CDH10: variants seen among roughly 807,000 people sequenced by gnomAD.
CDH10 encodes the protein cadherin-10.
A neutral mutation model predicts 73.1 loss-of-function variants in CDH10; 30 were observed. That is an observed-to-expected ratio of 0.41 (90% CI 0.31 to 0.56). The LOEUF (loss-of-function observed/expected upper bound fraction) is 0.56. CDH10 is among the 20% of genes least tolerant of loss of function. The pLI, the probability that CDH10 is intolerant of heterozygous loss-of-function variation, is 0.27. For synonymous variants in CDH10, 345 were observed against 348.2 expected (o/e 0.99, Z 0.10); for missense variants, 815 against 973.7 (o/e 0.84, Z 2.17).
At chr5:24,555,734 T>C (rs1233427234) in intron 2 of CDH10, among the ~76,000 whole-genome samples, 1 of 152,186 alleles carries the variant, frequency 6.6e-6, no homozygotes, top group African/African-American at 2.4e-5. Context: ...GCTATTTTAT[T>C]ATTCTGAAAT....
Position 24,550,605 on chromosome 5 carries a change from T to G in CDH10, c.232-12931A>C, listed in dbSNP as rs115695227. ...TTCTTAGATCTTTATACAACCTCCATCCTGAGGCTGGTGTGCATCTTTTTC... is the reference window on the plus strand; with the variant it reads ...TTCTTAGATCTTTATACAACCTCCAGCCTGAGGCTGGTGTGCATCTTTTTC... On this transcript the variant is annotated intron_variant, in intron 2 of 11. Transcript: ENST00000264463. 7.2e-3 allele frequency among the ~76,000 whole-genome samples: 1,103 copies of G among 152,284 alleles called. 14 individuals carry two copies. Among genetic ancestry groups the G allele is most frequent in the African/African-American group, 0.026 (1,063 of 41,564 alleles).
intron 1 of CDH10, among the ~76,000 whole-genome samples, chr5:24,593,929 G>A (rs1746286388): frequency 6.6e-6 from 1 of 151,606 alleles, no homozygotes; most frequent in Non-Finnish European, 1.5e-5. Context: ...AGTTCATTCT[G>A]CATGTCAATT....
At position 24,487,430 on chromosome 5, in the gene CDH10, C is replaced by CTACTAAGATGGACACTA; in HGVS notation, c.*232_*233insTAGTGTCCATCTTAGTA. 1.8e-5 allele frequency: 8 copies of CTACTAAGATGGACACTA among 440,712 alleles called. No individual in the cohort carries two copies. In the South Asian group the frequency reaches 3.0e-4, roughly 16 times the overall value. The allele number at this position is 440,712 out of a possible 1,614,324, so 27.3% of individuals were successfully genotyped here. ...ATCTTTTATTTACTAAGATGGACAA[C>CTACTAAGATGGACACTA]ACTGTATTTCCATAGCTTTGGCTCT... On this transcript the variant is annotated 3_prime_UTR_variant, in exon 12 of 12. Coordinates refer to ENST00000264463, the MANE Select transcript of CDH10 (RefSeq NM_006727.5).
At chr5:24,613,323 G>A (rs1056601082) in intron 1 of CDH10, 2 of 151,990 alleles carry the variant, frequency 1.3e-5, no homozygotes, top group Non-Finnish European at 2.9e-5. Context: ...ATATATCTAT[G>A]AGCAAGAATA....
chr5:24,581,890 A>G (rs1028186315), intron 2 of CDH10, among the ~76,000 whole-genome samples: 6 of 152,184 alleles, frequency 3.9e-5, no homozygotes, highest in African/African-American at 7.2e-5. Context: ...ACTTAATTAC[A>G]AAGATGGAAG....
At chr5:24,525,947 A>G (rs907316273) in intron 5 of CDH10, among the ~76,000 whole-genome samples, 1 of 152,102 alleles carries the variant, frequency 6.6e-6, no homozygotes. Context: ...ATAATACACA[A>G]TGGCAATGTG....
chr5:24,621,079 AG>A (rs1051415368), intron 1 of CDH10, among the ~76,000 whole-genome samples: 3 of 152,190 alleles, frequency 2.0e-5, no homozygotes, highest in African/African-American at 7.2e-5. Context: ...AGTTTAATTC[AG>A]GAGGGAGCCT....
intron 2 of CDH10, among the ~76,000 whole-genome samples, chr5:24,564,731 G>C (rs952351683): frequency 2.6e-5 from 4 of 152,148 alleles, no homozygotes; most frequent in Admixed American, 6.5e-5. Context: ...TTCTATGAGA[G>C]AAAGAATACT....
intron 10 of CDH10, among the ~76,000 whole-genome samples, chr5:24,492,226 A>G (rs988563794): frequency 3.3e-5 from 5 of 152,244 alleles, no homozygotes; most frequent in Non-Finnish European, 7.3e-5. Context: ...GCTTACACAC[A>G]TACAGAACAC....
chr5:24,505,251 G>T lies in CDH10; in HGVS notation c.1257-3C>A. 6.2e-7 allele frequency: 1 copy of T among 1,611,684 alleles called. No individual in the cohort carries two copies. Among genetic ancestry groups the T allele is most frequent in the South Asian group, 1.1e-5 (1 of 90,900 alleles). ...CAGTATGGCGATCCAAGGAAAATCT[G>T]AACATGGAGGGCAAGAAAAAATACA... On this transcript the variant is annotated splice_region_variant and splice_polypyrimidine_tract_variant and intron_variant, in intron 7 of 11. Transcript: ENST00000264463.
At chr5:24,493,943 C>T (rs1742164028) in intron 9 of CDH10, among the ~76,000 whole-genome samples, 1 of 151,808 alleles carries the variant, frequency 6.6e-6, no homozygotes, top group Admixed American at 6.6e-5. Flanking sequence ...GAAATTATTA[C>T]AACTATCTGT....
chr5:24,488,926 A>G (rs959046916), intron 11 of CDH10, among the ~76,000 whole-genome samples: 5 of 152,148 alleles, frequency 3.3e-5, no homozygotes, highest in South Asian at 4.2e-4. Context: ...ACTGCTCAAA[A>G]AGAACATTTT....
intron 5 of CDH10, among the ~76,000 whole-genome samples, chr5:24,528,815 C>G (rs115037145): frequency 5.9e-4 from 90 of 152,082 alleles, no homozygotes; most frequent in African/African-American, 2.1e-3. Flanking sequence ...GTGCCAATAT[C>G]TTTCTAGGTG....
intron 2 of CDH10, among the ~76,000 whole-genome samples, chr5:24,588,324 G>A (rs80216108): frequency 0.011 from 1,684 of 152,176 alleles, 26 homozygotes; most frequent in African/African-American, 0.039. Flanking sequence ...CAATATCCCT[G>A]TATCCCCTAC....
chr5:24,531,030 C>A (rs1201735467), intron 5 of CDH10, among the ~76,000 whole-genome samples: 2 of 152,028 alleles, frequency 1.3e-5, no homozygotes, highest in African/African-American at 2.4e-5. Flanking sequence ...AATGTTCCAG[C>A]CACAGGAGGT....
intron 8 of CDH10, among the ~76,000 whole-genome samples, chr5:24,504,597 C>T (rs2111721724): frequency 7.2e-6 from 1 of 139,612 alleles, no homozygotes; most frequent in South Asian, 2.4e-4. Context: ...GCGATCTCGG[C>T]TCACTGCAAC....
At chr5:24,622,052 A>G (rs1413297170) in intron 1 of CDH10, among the ~76,000 whole-genome samples, 1 of 152,170 alleles carries the variant, frequency 6.6e-6, no homozygotes, top group Admixed American at 6.5e-5. Flanking sequence ...TGGCTTTTAC[A>G]CCAAGAGAGA....
intron 2 of CDH10, among the ~76,000 whole-genome samples, chr5:24,564,799 A>G (rs1158883003): frequency 6.6e-6 from 1 of 152,080 alleles, no homozygotes; most frequent in Non-Finnish European, 1.5e-5. Context: ...CATGTAACAA[A>G]TCTCCCATGT....
intron 5 of CDH10, among the ~76,000 whole-genome samples, chr5:24,528,857 A>G (rs1743628095): frequency 6.6e-6 from 1 of 152,042 alleles, no homozygotes; most frequent in South Asian, 2.1e-4. Context: ...TAAAAGCCGA[A>G]TAACCTGGAT....
Sources: allele counts gnomAD v4.1 joint callset (sites outside exome capture counted in the v4.1 genomes callset), GRCh38; gene constraint gnomAD v4.1.1; transcripts MANE v1.5; gene names NCBI Gene and HGNC (gene_info 2026-07-23, HGNC 2026-07-21).